Variants in KHDRBS2 observed in about 807,000 individuals in gnomAD.
KHDRBS2 encodes the protein KH domain-containing, RNA-binding, signal transduction-associated protein 2.
Under a neutral mutation model 44.3 loss-of-function variants are expected in KHDRBS2, and 26 were observed. The ratio of observed to expected loss-of-function variants is 0.59; its 90% CI spans 0.43 to 0.81. KHDRBS2 has a LOEUF of 0.81. Among genes scored for constraint, KHDRBS2 ranks in the 40% least tolerant of loss-of-function variants. The pLI is 0.00. For missense variants in KHDRBS2, 476 were observed against 433.1 expected, an observed-to-expected ratio of 1.10 and a Z score of -0.88; for synonymous variants, 194 against 151.1, an observed-to-expected ratio of 1.28 and a Z score of -2.08.
chr6:62,165,123 A>G (rs1818406850), intron 2 of KHDRBS2, among the ~76,000 whole-genome samples: 1 of 151,776 alleles, frequency 6.6e-6, no homozygotes, highest in African/African-American at 2.4e-5. Context: ...TTTTAAATTT[A>G]TGTTTTAAAA....
chr6:61,567,517 T>G, the KHDRBS2 span, among the ~76,000 whole-genome samples: 1 of 152,160 alleles, frequency 6.6e-6, no homozygotes, highest in Admixed American at 6.5e-5. Context: ...GGTGTGCACC[T>G]GTGGTCTTAG....
intron 4 of KHDRBS2, among the ~76,000 whole-genome samples, chr6:61,916,105 A>T (rs1806946064): frequency 6.6e-6 from 1 of 152,026 alleles, no homozygotes; most frequent in Non-Finnish European, 1.5e-5. Context: ...TCTAAACTTA[A>T]TTCTCCTGAT....
At chr6:61,972,131 T>C (rs1771558506) in intron 4 of KHDRBS2, among the ~76,000 whole-genome samples, 1 of 152,174 alleles carries the variant, frequency 6.6e-6, no homozygotes, top group Non-Finnish European at 1.5e-5. Flanking sequence ...GTCACATTCA[T>C]CTAAAAGCTA....
chr6:62,059,178 C>T (rs1182778687), intron 2 of KHDRBS2, among the ~76,000 whole-genome samples: 3 of 117,778 alleles, frequency 2.5e-5, no homozygotes, highest in Admixed American at 2.1e-4. Context: ...AAAATTATTT[C>T]CACATAGAAA....
At chr6:62,072,933 T>G (rs550645094) in intron 2 of KHDRBS2, among the ~76,000 whole-genome samples, 51 of 152,256 alleles carry the variant, frequency 3.3e-4, no homozygotes, top group African/African-American at 1.2e-3. Context: ...CTCCCCCTTG[T>G]ACCTCTGGTA....
In KHDRBS2 at chr6:61,894,657, G is replaced by A. The variant is rs1393902630; in HGVS notation, c.788C>T (p.Ala263Val). 3.7e-6 allele frequency: 6 copies of A among 1,611,960 alleles called. No homozygotes were observed. In the African/African-American group the frequency reaches 5.3e-5, roughly 14 times the overall value. ...VPGYRAPPPP[A>V]HEAYEEYGYD... is the part of the protein sequence containing the mutation. ...TACATATTCTTCATAAGCTTCATGG[G>A]CTGGAGGAGGAGGTGCCCTGTATCC... Residue 263 changes from alanine (A) to valine (V), a missense_variant, in exon 6 of 9, where the codon GCC becomes GTC. Transcript: ENST00000281156.
intron 2 of KHDRBS2, among the ~76,000 whole-genome samples, chr6:62,062,108 G>T (rs1194141635): frequency 1.3e-5 from 2 of 148,744 alleles, no homozygotes; most frequent in Non-Finnish European, 3.0e-5. Context: ...CCCAATACAG[G>T]AGCACCCAGA....
chr6:61,709,010 T>G (rs1195815817), intron 7 of KHDRBS2, among the ~76,000 whole-genome samples: 2 of 151,692 alleles, frequency 1.3e-5, no homozygotes, highest in African/African-American at 4.8e-5. Flanking sequence ...ACTCCCAGTT[T>G]CCTGATCTTT....
chr6:61,707,030 T>C (rs1170676536), intron 7 of KHDRBS2, among the ~76,000 whole-genome samples: 1 of 151,264 alleles, frequency 6.6e-6, no homozygotes, highest in Non-Finnish European at 1.5e-5. Flanking sequence ...GGGATAAAGG[T>C]AAAATTATAG....
intron 2 of KHDRBS2, among the ~76,000 whole-genome samples, chr6:62,089,933 G>A (rs539549297): frequency 6.6e-6 from 1 of 152,278 alleles, no homozygotes; most frequent in African/African-American, 2.4e-5. Flanking sequence ...CTGAAGTACA[G>A]TAAATAGTGA....
intron 2 of KHDRBS2, among the ~76,000 whole-genome samples, chr6:62,169,100 T>TATATACACATATATGTGTGTATATATAC (rs1819337317): frequency 1.4e-5 from 2 of 141,908 alleles, no homozygotes; most frequent in East Asian, 2.0e-4. Flanking sequence ...TTTATATTTA[T>TATATACACATATATGTGTGTATATATAC]ATATACACAT....
At chr6:61,840,374 G>T (rs921945343) in intron 6 of KHDRBS2, among the ~76,000 whole-genome samples, 9 of 152,004 alleles carry the variant, frequency 5.9e-5, no homozygotes, top group African/African-American at 1.9e-4. Flanking sequence ...AGTACCTTTA[G>T]AAAACAGCAA....
the KHDRBS2 span, among the ~76,000 whole-genome samples, chr6:61,581,688 A>C: frequency 6.7e-6 from 1 of 150,012 alleles, no homozygotes; most frequent in African/African-American, 2.4e-5. Flanking sequence ...GAAAAATAGA[A>C]AGAAATAAAT....
intron 6 of KHDRBS2, among the ~76,000 whole-genome samples, chr6:61,876,284 G>T (rs115805437): frequency 1.7e-4 from 26 of 152,076 alleles, no homozygotes; most frequent in Non-Finnish European, 3.7e-4. Flanking sequence ...TTTAAAGGAT[G>T]CATTAAATTT....
At chr6:62,022,720 A>G (rs1177089734) in intron 3 of KHDRBS2, among the ~76,000 whole-genome samples, 1 of 151,784 alleles carries the variant, frequency 6.6e-6, no homozygotes, top group African/African-American at 2.4e-5. Context: ...TCAAAGACCA[A>G]TAGAATTTCA....
At chr6:62,173,448 G>A (rs927846973) in intron 2 of KHDRBS2, among the ~76,000 whole-genome samples, 4 of 151,856 alleles carry the variant, frequency 2.6e-5, no homozygotes, top group African/African-American at 9.7e-5. Context: ...GTAATAAACA[G>A]ACTACCAACC....
In KHDRBS2 at chr6:61,906,455, T is replaced by A. The variant is rs1400915546; in HGVS notation, c.484-5084A>T. On this transcript the variant is annotated intron_variant, in intron 4 of 8. Transcript: ENST00000281156. ...TTATACAATAAATTATCGTTGACTA[T>A]ATTCACTTCATTGTGCTACCAAATA... Among the ~76,000 whole-genome samples, 3 of 152,136 alleles carry A rather than the reference T, an allele frequency of 2.0e-5. 1 individual carries two copies. The highest frequency in any genetic ancestry group is 6.6e-5 in the Admixed American group (1 of 15,266).
At chr6:61,802,194 G>A (rs557249989) in intron 6 of KHDRBS2, among the ~76,000 whole-genome samples, 2 of 152,232 alleles carry the variant, frequency 1.3e-5, no homozygotes, top group East Asian at 1.9e-4. Flanking sequence ...CTGAGCTCCT[G>A]CCCACAGCCT....
At chr6:61,641,843 T>C in the KHDRBS2 span, among the ~76,000 whole-genome samples, 2 of 152,198 alleles carry the variant, frequency 1.3e-5, no homozygotes, top group South Asian at 2.1e-4. Flanking sequence ...CTTTCACAAA[T>C]TGAAACATCA....
Sources: allele counts gnomAD v4.1 joint callset (sites outside exome capture counted in the v4.1 genomes callset), GRCh38; gene constraint gnomAD v4.1.1; transcripts MANE v1.5; gene names NCBI Gene and HGNC (gene_info 2026-07-23, HGNC 2026-07-21).